ANO6: variants seen among roughly 807,000 people sequenced by gnomAD.
The protein encoded by ANO6 is anoctamin 6.
ANO6 carries 106 observed loss-of-function variants against 117.5 expected under a neutral mutation model. That is an observed-to-expected ratio of 0.90 (90% CI 0.77 to 1.06). The LOEUF (loss-of-function observed/expected upper bound fraction) is 1.06, where lower values mean the gene tolerates loss of function less well. Among genes scored for constraint, ANO6 ranks in the 50% least tolerant of loss-of-function variants. The probability of loss-of-function intolerance (pLI) is 0.00; values close to 1 mark genes in which losing one functional copy is unlikely to be tolerated. For synonymous variants in ANO6, 367 were observed against 385.1 expected, an observed-to-expected ratio of 0.95 and a Z score of 0.55; for missense variants, 955 against 1,121.1, an observed-to-expected ratio of 0.85 and a Z score of 2.12.
Position 45,234,032 on chromosome 12 carries a change from A to C in ANO6, c.70+17641A>C, listed in dbSNP as rs150719402. Among the ~76,000 whole-genome samples, 893 of 152,346 alleles carry C rather than the reference A, an allele frequency of 5.9e-3. 6 individuals carry two copies. The highest frequency in any genetic ancestry group is 0.019 in the African/African-American group (810 of 41,576). ...TTCGTTTCTTATAGGTAGCAGACTA[A>C]CAATCCTTAACCTTCTAATTCTGTT... On this transcript the variant is annotated intron_variant, in intron 1 of 19. Coordinates refer to ENST00000320560, the MANE Select transcript of ANO6 (RefSeq NM_001025356.3).
intron 2 of ANO6, among the ~76,000 whole-genome samples, chr12:45,330,706 A>G (rs1333075836): frequency 6.6e-6 from 1 of 152,076 alleles, no homozygotes; most frequent in Non-Finnish European, 1.5e-5. Flanking sequence ...GCTAGGAATG[A>G]GGGACATCAT....
At chr12:45,233,781 C>T (rs1412414561) in intron 1 of ANO6, among the ~76,000 whole-genome samples, 2 of 152,318 alleles carry the variant, frequency 1.3e-5, no homozygotes, top group African/African-American at 2.4e-5. Context: ...GTCAACCTTC[C>T]TCCACATGGT....
At chr12:45,359,188 C>G (rs1206337073) in intron 8 of ANO6, among the ~76,000 whole-genome samples, 2 of 152,162 alleles carry the variant, frequency 1.3e-5, no homozygotes, top group Non-Finnish European at 2.9e-5. Flanking sequence ...TTTCCCTTAG[C>G]CCCTGGCAAC....
intron 9 of ANO6, among the ~76,000 whole-genome samples, chr12:45,368,621 C>T (rs1941744406): frequency 6.6e-6 from 1 of 152,184 alleles, no homozygotes; most frequent in African/African-American, 2.4e-5. Flanking sequence ...AGGCTGGAAA[C>T]TCTGGACAGA....
chr12:45,292,933 T>C (rs1385415858), intron 1 of ANO6: 2 of 1,551,448 alleles, frequency 1.3e-6, no homozygotes, highest in South Asian at 1.2e-5. Flanking sequence ...TTTGTGCTGC[T>C]GGTAAGAACA....
At chr12:45,370,424 C>G (rs1157269194) in intron 9 of ANO6, among the ~76,000 whole-genome samples, 1 of 152,214 alleles carries the variant, frequency 6.6e-6, no homozygotes, top group African/African-American at 2.4e-5. Context: ...ATTTTACCCT[C>G]TAGCACTGAC....
intron 1 of ANO6, among the ~76,000 whole-genome samples, chr12:45,259,363 G>T (rs931934153): frequency 1.5e-4 from 23 of 152,164 alleles, no homozygotes; most frequent in African/African-American, 5.6e-4. Context: ...TTTTTCAGGG[G>T]AGCGAGTCAT....
intron 2 of ANO6, among the ~76,000 whole-genome samples, chr12:45,321,383 A>T (rs886929821): frequency 2.0e-5 from 3 of 152,124 alleles, no homozygotes; most frequent in African/African-American, 7.2e-5. Flanking sequence ...TTTTGCCACC[A>T]TGCTTAGGTC....
chr12:45,364,878 T>G (rs895542027), intron 8 of ANO6, among the ~76,000 whole-genome samples: 9 of 152,262 alleles, frequency 5.9e-5, no homozygotes, highest in African/African-American at 1.9e-4. Context: ...ACTGGACATT[T>G]TAAGTATTAT....
intron 2 of ANO6, among the ~76,000 whole-genome samples, chr12:45,308,048 A>ATTTTTTT (rs1218638312): frequency 0.29 from 20,222 of 68,910 alleles, 7,046 homozygotes; most frequent in South Asian, 0.47. Flanking sequence ...TGTGTGTGTA[A>ATTTTTTT]TTTTTTTTTT....
At chr12:45,263,864 T>C (rs1371938998) in intron 1 of ANO6, among the ~76,000 whole-genome samples, 1 of 152,190 alleles carries the variant, frequency 6.6e-6, no homozygotes, top group Non-Finnish European at 1.5e-5. Context: ...TTGGCTCCCT[T>C]CTGTGAAATT....
At chr12:45,388,384 G>A in intron 11 of ANO6, 81 bp downstream of exon 11, 1 of 1,566,010 alleles carries the variant, frequency 6.4e-7, no homozygotes, top group South Asian at 1.1e-5. Context: ...AGAATCACTT[G>A]GGGGAGCTTA....
At chr12:45,303,415 C>T (rs1939561157) in intron 2 of ANO6, among the ~76,000 whole-genome samples, 1 of 152,142 alleles carries the variant, frequency 6.6e-6, no homozygotes, top group South Asian at 2.1e-4. Flanking sequence ...ATGAAGCTGC[C>T]TCTTTTTTTT....
At chr12:45,222,841 A>G (rs1947424820) in intron 1 of ANO6, among the ~76,000 whole-genome samples, 1 of 152,236 alleles carries the variant, frequency 6.6e-6, no homozygotes, top group African/African-American at 2.4e-5. Flanking sequence ...GATGCCAGAA[A>G]AATCTGATCA....
At chr12:45,276,970 TC>T (rs1490191955) in intron 1 of ANO6, among the ~76,000 whole-genome samples, 4 of 152,218 alleles carry the variant, frequency 2.6e-5, no homozygotes, top group South Asian at 4.1e-4. Flanking sequence ...TGTTCGCTGT[TC>T]CCCAGAGGCC....
intron 1 of ANO6, among the ~76,000 whole-genome samples, chr12:45,289,480 G>T (rs989840013): frequency 2.0e-5 from 3 of 152,030 alleles, no homozygotes; most frequent in African/African-American, 7.2e-5. Context: ...TAATTTTAAA[G>T]CTTTTGCTAT....
chr12:45,222,147 C>G (rs991364481), intron 1 of ANO6, among the ~76,000 whole-genome samples: 1 of 151,550 alleles, frequency 6.6e-6, no homozygotes, highest in Non-Finnish European at 1.5e-5. Flanking sequence ...TCCCAAAGTG[C>G]TGGAATTACA....
intron 2 of ANO6, among the ~76,000 whole-genome samples, chr12:45,317,933 T>C (rs576191582): frequency 6.6e-6 from 1 of 152,374 alleles, no homozygotes; most frequent in East Asian, 1.9e-4. Flanking sequence ...TTGAGAAGTG[T>C]CAGTTCATAT....
chr12:45,226,596 T>G (rs1323642536), intron 1 of ANO6, among the ~76,000 whole-genome samples: 1 of 152,162 alleles, frequency 6.6e-6, no homozygotes, highest in Non-Finnish European at 1.5e-5. Context: ...ACTAAGATTT[T>G]GTTTATATAA....
Sources: gnomAD v4.1 joint callset for allele counts (sites outside exome capture counted in the v4.1 genomes callset) on GRCh38, gnomAD v4.1.1 for gene constraint, MANE v1.5 for transcripts, NCBI Gene and HGNC (gene_info 2026-07-23, HGNC 2026-07-21) for gene names.